ABCB6: variants seen among roughly 807,000 people sequenced by gnomAD.
ABCB6 encodes the protein ATP binding cassette subfamily B member 6 (LAN blood group), also known as ATP-binding cassette sub-family B member 6.
In ABCB6, 87 loss-of-function variants were observed where a neutral mutation model predicts 99.4. The observed-to-expected ratio is 0.88, with a 90% CI of 0.74 to 1.05. The LOEUF (loss-of-function observed/expected upper bound fraction) is 1.05. ABCB6 is among the 50% of genes least tolerant of loss of function. The pLI is 0.00. For synonymous variants in ABCB6, 482 were observed against 447.5 expected (o/e 1.08, Z -0.97); for missense variants, 1,050 against 1,097.9 (o/e 0.96, Z 0.62).
Position 219,213,083 on chromosome 2 carries a change from G to T in ABCB6, c.1806-18C>A, listed in dbSNP as rs777941316. On this transcript the variant is annotated intron_variant, in intron 12 of 18. Transcript: ENST00000265316. ...TCTCCCGCCTGCAAGGAAAGGTGGG[G>T]TTGCTCAGCAGGCACCTTCCATCAC... 1 of 1,613,352 alleles carries T rather than the reference G, an allele frequency of 6.2e-7. No homozygotes were observed. Among genetic ancestry groups the T allele is most frequent in the Non-Finnish European group, 8.5e-7 (1 of 1,179,586 alleles).
In ABCB6 at chr2:219,210,438, A is replaced by G. The variant is rs749764247; in HGVS notation, c.2294T>C (p.Ile765Thr). Residue 765 changes from isoleucine (I) to threonine (T), a missense_variant, in exon 17 of 19, where the codon ATC becomes ACC. Physicochemically the swap from Ile to Thr is moderately conservative, Grantham distance 89. Coordinates refer to ENST00000265316, the MANE Select transcript of ABCB6 (RefSeq NM_005689.4). ...ACAGACTTTGGCCAGAGAAGCCTGG[A>G]TGGCCCTCTCATTAGATGTATCCAG... is the stretch of plus-strand genomic sequence containing the variant. ...SALDTSNERA[I>T]QASLAKVCAN... 1 of 1,614,202 alleles carries G rather than the reference A, an allele frequency of 6.2e-7. No homozygotes were observed. Among genetic ancestry groups the G allele is most frequent in the South Asian group, 1.1e-5 (1 of 91,084 alleles).
chr2:219,216,014 A>G lies in ABCB6; in HGVS notation c.1137T>C (p.Ser379=), dbSNP rs1357458399. ...VLRIADRGTS[S]VTGLLSYLVF... ...GGCGGCACCTGAGCAGCCCTGTGAC[A>G]CTGGATGTGCCCCGATCCGCGATCC... The change falls in exon 5 of 19, where the codon AGT becomes AGC. Residue 379 remains serine, a synonymous_variant. Coordinates refer to ENST00000265316, the MANE Select transcript of ABCB6 (RefSeq NM_005689.4). The surrounding 1 kb of genome is among the most constrained non-coding windows in gnomAD (Gnocchi z 4.2). 1.3e-6 allele frequency: 2 copies of G among 1,587,394 alleles called. No individual in the cohort carries two copies. The highest frequency in any genetic ancestry group is 1.7e-6 in the Non-Finnish European group (2 of 1,162,960).
In ABCB6 at chr2:219,218,535, C is replaced by A; in HGVS notation, c.139G>T (p.Ala47Ser). 2.5e-6 allele frequency: 4 copies of A among 1,611,416 alleles called. No individual in the cohort carries two copies. The highest frequency in any genetic ancestry group is 3.4e-6 in the Non-Finnish European group (4 of 1,179,262). The part of the protein sequence containing the change: ...MALGTLALVL[A>S]LPCRRRERPA... ...CGCTCCCGGCGTCTGCAGGGAAGAGCCAGCACCAAGGCCAGAGTCCCCAGA... is the reference window on the plus strand; with the variant it reads ...CGCTCCCGGCGTCTGCAGGGAAGAGACAGCACCAAGGCCAGAGTCCCCAGA... The change falls in exon 1 of 19, where the codon GCT becomes TCT. Residue 47 changes from alanine (A) to serine (S), a missense_variant. By Grantham distance (99) the Ala-to-Ser change is moderately conservative. Coordinates refer to ENST00000265316, the MANE Select transcript of ABCB6 (RefSeq NM_005689.4).
In ABCB6 at chr2:219,209,875, G is replaced by A; in HGVS notation, c.*63C>T. 7.8e-7 allele frequency: 1 copy of A among 1,277,482 alleles called. No homozygotes were observed. Among genetic ancestry groups the A allele is most frequent in the South Asian group, 1.2e-5 (1 of 84,086 alleles). The allele number at this position is 1,277,482 out of a possible 1,614,324, so 79.1% of individuals were successfully genotyped here. A position where few individuals can be genotyped will look rare whatever the true frequency, so the allele number is the denominator to read the frequency against. ...CAAGACCAGGATGAAATAAGCCAGG[G>A]AAAGGAGACACATCTTATTCCCTTC... On this transcript the variant is annotated 3_prime_UTR_variant, in exon 19 of 19. Coordinates refer to ENST00000265316, the MANE Select transcript of ABCB6 (RefSeq NM_005689.4).
In ABCB6 at chr2:219,218,330, CTCTCCAGCACGGAGGCCAGAA is replaced by C; in HGVS notation, c.323_343del (p.Leu108_Ser115delinsArg). 6.2e-7 allele frequency: 1 copy of C among 1,613,268 alleles called. No individual in the cohort carries two copies. The highest frequency in any genetic ancestry group is 8.5e-7 in the Non-Finnish European group (1 of 1,180,038). On this transcript the variant is annotated inframe_deletion, in exon 1 of 19. Coordinates refer to ENST00000265316, the MANE Select transcript of ABCB6 (RefSeq NM_005689.4). ...CCACAGGCCACAGGCGCCGGCCAGA[CTCTCCAGCACGGAGGCCAGAA>C]GTAGATAGCTTGGCAGTGGGGCCCC...
At position 219,213,002 on chromosome 2, in the gene ABCB6, T is replaced by G. The variant is rs1018075482; in HGVS notation, c.1863+6A>C. ...ATCTGGGCCAAGTGGCTGGGTCTCCTCTCACCAGGGCAAGTGTCTGTCCAG... is the reference window on the plus strand; with the variant it reads ...ATCTGGGCCAAGTGGCTGGGTCTCCGCTCACCAGGGCAAGTGTCTGTCCAG... On this transcript the variant is annotated splice_donor_region_variant and intron_variant, in intron 13 of 18. Coordinates refer to ENST00000265316, the MANE Select transcript of ABCB6 (RefSeq NM_005689.4). 1.3e-5 allele frequency: 21 copies of G among 1,613,870 alleles called. No individual in the cohort carries two copies. Among genetic ancestry groups the G allele is most frequent in the Non-Finnish European group, 1.8e-5 (21 of 1,179,904 alleles).
In ABCB6 at chr2:219,217,781, C is replaced by T; in HGVS notation, c.576G>A (p.Arg192=). The T allele has an allele frequency of 6.2e-7, 1 of 1,613,564 alleles. No individual in the cohort carries two copies. Residue 192 remains arginine, a synonymous_variant, in exon 2 of 19, where the codon CGG becomes CGA. Transcript: ENST00000265316. ...CAAACAGCCCTCCAGAGACCACATACCGCAGCACCCACAGGCTAAACTGAA... is the reference window on the plus strand; with the variant it reads ...CAAACAGCCCTCCAGAGACCACATATCGCAGCACCCACAGGCTAAACTGAA... The part of the protein sequence containing the change: ...QQVQFSLWVL[R]YVVSGGLFVL...
At position 219,218,120 on chromosome 2, in the gene ABCB6, C is replaced by G; in HGVS notation, c.549+5G>C. 6.3e-7 allele frequency: 1 copy of G among 1,598,880 alleles called. No individual in the cohort carries two copies. On this transcript the variant is annotated splice_donor_5th_base_variant and intron_variant, in intron 1 of 18. Transcript: ENST00000265316. ...AGGCTTCCCCCTTCCCACAGAGTCC[C>G]TCACCTGCTGGCCCAAGTCTGCCCT...
chr2:219,211,236 C>A, intron 14 of ABCB6, 128 bp from the exon 15 acceptor site: 1 of 959,582 alleles, frequency 1.0e-6, no homozygotes, highest in Non-Finnish European at 1.6e-6. Flanking sequence ...GCCCCATATC[C>A]TAGCCGTGTG....
intron 13 of ABCB6, among the ~76,000 whole-genome samples, 191 bp from the exon 14 acceptor site, chr2:219,212,682 C>T (rs142019494): frequency 1.2e-3 from 180 of 152,062 alleles, no homozygotes; most frequent in African/African-American, 3.9e-3. Flanking sequence ...CCACCATGCC[C>T]GGCTAATTTT....
chr2:219,212,523 C>T lies in ABCB6; in HGVS notation c.1864-32G>A, dbSNP rs769024597. The T allele has an allele frequency of 3.2e-6, 5 of 1,577,252 alleles. 1 individual carries two copies. The Admixed American group carries it at 6.7e-5, about 21-fold the overall frequency. On this transcript the variant is annotated intron_variant, in intron 13 of 18. Coordinates refer to ENST00000265316, the MANE Select transcript of ABCB6 (RefSeq NM_005689.4). ...CATTGGAAATGGGAAAAATCTCAGGCCCACTGGCTTTTTTTTTGAGACCGA... is the reference window on the plus strand; with the variant it reads ...CATTGGAAATGGGAAAAATCTCAGGTCCACTGGCTTTTTTTTTGAGACCGA...
intron 1 of ABCB6, 36 bp downstream of exon 1, chr2:219,218,089 C>A (rs1197389867): frequency 6.4e-7 from 1 of 1,564,000 alleles, no homozygotes; most frequent in African/African-American, 1.4e-5. Flanking sequence ...CAAGCCCGGC[C>A]AGCAGAGGCT....
chr2:219,215,590 A>G (rs184824457), intron 5 of ABCB6: 517 of 167,870 alleles, frequency 3.1e-3, no homozygotes, highest in Non-Finnish European at 4.9e-3. Context: ...AAAATCTAAT[A>G]ATTAGCCAGG....
In ABCB6 at chr2:219,218,184, C is replaced by T. The variant is rs143052685; in HGVS notation, c.490G>A (p.Ala164Thr). The change falls in exon 1 of 19, where the codon GCC (alanine) becomes ACC (threonine). Residue 164 changes from alanine (A) to threonine (T), a missense_variant. Ala to Thr is a moderately conservative substitution (Grantham distance 58). Coordinates refer to ENST00000265316, the MANE Select transcript of ABCB6 (RefSeq NM_005689.4). ...TGTGGGCTGTTCCAAGACACCAGGG[C>T]CAAGTTCTCAGCTGCAAACGCCACA... ...WTVAFAAENL[A>T]LVSWNSPQWW... 1.5e-4 allele frequency: 246 copies of T among 1,613,818 alleles called. No homozygotes were observed. Among genetic ancestry groups the T allele is most frequent in the Middle Eastern group, 9.9e-4 (6 of 6,058 alleles).
chr2:219,218,412 G>C lies in ABCB6; in HGVS notation c.262C>G (p.Leu88Val), dbSNP rs760948546. ...LLATLQAALP[L>V]AGLAGRVGTA... ...CCCACCCGGCCAGCCAGGCCGGCCA[G>C]GGGCAGCGCCGCCTGAAGTGTGGCC... is the stretch of plus-strand genomic sequence containing the variant. Residue 88 changes from leucine to valine, a missense_variant, in exon 1 of 19, where the codon CTG becomes GTG. Leu to Val is a conservative substitution (Grantham distance 32). Transcript: ENST00000265316. 1.2e-6 allele frequency: 2 copies of C among 1,611,386 alleles called. No individual in the cohort carries two copies. Among genetic ancestry groups the C allele is most frequent in the Non-Finnish European group, 1.7e-6 (2 of 1,179,198 alleles).
intron 9 of ABCB6, 22 bp downstream of exon 9, chr2:219,213,804 C>G: frequency 6.2e-7 from 1 of 1,613,916 alleles, no homozygotes; most frequent in Non-Finnish European, 8.5e-7. Flanking sequence ...GCCCCACTCT[C>G]TCATCCAAGA....
rs369521100 is a variant in ABCB6, at chr2:219,210,410, G to C, written c.2322C>G (p.Ala774=). ...GTGCCACTACGATGGTGGTGCGGTT[G>C]GCACAGACTTTGGCCAGAGAAGCCT... ...AIQASLAKVC[A]NRTTIVVAHR... The change falls in exon 17 of 19, where the codon GCC becomes GCG. Residue 774 remains alanine (A), a synonymous_variant. Transcript: ENST00000265316. 6.2e-7 allele frequency: 1 copy of C among 1,614,096 alleles called. No homozygotes were observed. The highest frequency in any genetic ancestry group is 1.3e-5 in the African/African-American group (1 of 74,928).
Position 219,209,853 on chromosome 2 carries a change from G to T in ABCB6, c.*85C>A. 1.9e-6 allele frequency: 2 copies of T among 1,066,900 alleles called. No individual in the cohort carries two copies. Among genetic ancestry groups the T allele is most frequent in the Non-Finnish European group, 2.9e-6 (2 of 685,100 alleles). The allele number at this position is 1,066,900 out of a possible 1,614,324, so 66.1% of individuals were successfully genotyped here. Reference sequence around the variant, plus strand: ...TACCATAGCTAGCACCATACCCCAAGACCAGGATGAAATAAGCCAGGGAAA... The same window carrying T: ...TACCATAGCTAGCACCATACCCCAATACCAGGATGAAATAAGCCAGGGAAA... On this transcript the variant is annotated 3_prime_UTR_variant, in exon 19 of 19. Transcript: ENST00000265316.
chr2:219,211,240 C>T lies in ABCB6; in HGVS notation c.1969-132G>A, dbSNP rs564245535. The T allele has an allele frequency of 1.3e-5, 12 of 902,752 alleles. No individual in the cohort carries two copies. The African/African-American group carries it at 1.5e-4, about 11-fold the overall frequency. The allele number at this position is 902,752 out of a possible 1,614,324, so 55.9% of individuals were successfully genotyped here. A position where few individuals can be genotyped will look rare whatever the true frequency, so the allele number is the denominator to read the frequency against. On this transcript the variant is annotated intron_variant, in intron 14 of 18. Coordinates refer to ENST00000265316, the MANE Select transcript of ABCB6 (RefSeq NM_005689.4). The stretch of plus-strand genomic sequence containing the variant: ...CCACCATCACTGCCCCATATCCTAG[C>T]CGTGTGGGCAAATCACTCCTCTCTG...
Sources: allele counts gnomAD v4.1 joint callset (sites outside exome capture counted in the v4.1 genomes callset), GRCh38; gene constraint gnomAD v4.1.1; non-coding constraint Gnocchi (gnomAD v3.1); transcripts MANE v1.5; gene names NCBI Gene and HGNC (gene_info 2026-07-23, HGNC 2026-07-21).